The following PRKAR2A variants were observed in gnomAD, a reference collection of about 807,000 sequenced individuals.
The protein encoded by PRKAR2A is cAMP-dependent protein kinase type II-alpha regulatory subunit.
In PRKAR2A, 29 loss-of-function variants were observed where a neutral mutation model predicts 51.9. The observed-to-expected ratio is 0.56, with a 90% confidence interval of 0.42 to 0.76. PRKAR2A has a LOEUF of 0.76. Among genes scored for constraint, PRKAR2A ranks in the 30% least tolerant of loss-of-function variants. The pLI is 0.00. For missense variants in PRKAR2A, 445 were observed against 512.1 expected, an observed-to-expected ratio of 0.87 and a Z score of 1.26; for synonymous variants, 178 against 186.2, an observed-to-expected ratio of 0.96 and a Z score of 0.36.
At chr3:48,774,643 A>G (rs927554313) in intron 5 of PRKAR2A, among the ~76,000 whole-genome samples, 1 of 152,274 alleles carries the variant, frequency 6.6e-6, no homozygotes. Context: ...TACGATATCA[A>G]TGTTCTTTAG....
intron 5 of PRKAR2A, among the ~76,000 whole-genome samples, chr3:48,775,330 C>T (rs1001604963): frequency 2.3e-4 from 35 of 151,228 alleles, no homozygotes; most frequent in African/African-American, 7.5e-4. Flanking sequence ...TCCAGCTACT[C>T]GGGAGGCTGA....
At chr3:48,794,428 T>C (rs564937507) in intron 2 of PRKAR2A, among the ~76,000 whole-genome samples, 5 of 151,756 alleles carry the variant, frequency 3.3e-5, no homozygotes, top group African/African-American at 1.2e-4. Flanking sequence ...ATAATATAAA[T>C]GCTCATGCCT....
At chr3:48,775,248 G>A (rs894159511) in intron 5 of PRKAR2A, among the ~76,000 whole-genome samples, 1 of 151,846 alleles carries the variant, frequency 6.6e-6, no homozygotes, top group Admixed American at 6.6e-5. Flanking sequence ...AGACTAGCCT[G>A]GCCAATCTGG....
chr3:48,754,601 T>TTA (rs1441069043), intron 9 of PRKAR2A, among the ~76,000 whole-genome samples: 1 of 151,874 alleles, frequency 6.6e-6, no homozygotes, highest in African/African-American at 2.4e-5. Flanking sequence ...GGGGAAACCC[T>TTA]GTCCCTACTA....
At chr3:48,782,140 A>T (rs965760690) in intron 5 of PRKAR2A, among the ~76,000 whole-genome samples, 1 of 152,128 alleles carries the variant, frequency 6.6e-6, no homozygotes, top group East Asian at 1.9e-4. Context: ...GACTAAGGAG[A>T]TCAGAAGGAC....
At chr3:48,834,211 T>A (rs2083242929) in intron 1 of PRKAR2A, among the ~76,000 whole-genome samples, 1 of 151,592 alleles carries the variant, frequency 6.6e-6, no homozygotes, top group South Asian at 2.1e-4. Flanking sequence ...TAAGTGGAGG[T>A]CAGGGTCCAT....
At chr3:48,801,543 C>T (rs1437094736) in intron 2 of PRKAR2A, among the ~76,000 whole-genome samples, 1 of 152,150 alleles carries the variant, frequency 6.6e-6, no homozygotes, top group Non-Finnish European at 1.5e-5. Flanking sequence ...CCCATCTCAG[C>T]CTCCCAAAGT....
downstream of PRKAR2A, among the ~76,000 whole-genome samples, chr3:48,745,498 A>G (rs1454226115): frequency 7.6e-6 from 1 of 132,234 alleles, no homozygotes; most frequent in Non-Finnish European, 1.6e-5. Flanking sequence ...ATTATTCCAG[A>G]TGTTTCTGTG....
At chr3:48,801,507 T>G (rs2082590074) in intron 2 of PRKAR2A, among the ~76,000 whole-genome samples, 1 of 152,160 alleles carries the variant, frequency 6.6e-6, no homozygotes, top group Non-Finnish European at 1.5e-5. Context: ...CAGGCTGATC[T>G]CGAACTCCTG....
chr3:48,763,152 T>C lies in PRKAR2A; in HGVS notation c.873+1852A>G, dbSNP rs146138946. Among the ~76,000 whole-genome samples, 830 of 152,232 alleles carry C rather than the reference T, an allele frequency of 5.5e-3. 4 individuals are homozygous for C. Among genetic ancestry groups the C allele is most frequent in the Middle Eastern group, 0.024 (7 of 294 alleles). ...TCAAAACAAATGAAACAACATAAAATGTAGTTTCTGATTCAGCAGGTCTGG... is the reference window on the plus strand; with the variant it reads ...TCAAAACAAATGAAACAACATAAAACGTAGTTTCTGATTCAGCAGGTCTGG... On this transcript the variant is annotated intron_variant, in intron 8 of 10. Coordinates refer to ENST00000265563, the MANE Select transcript of PRKAR2A (RefSeq NM_004157.4).
At chr3:48,809,611 A>C (rs1044762078) in intron 1 of PRKAR2A, among the ~76,000 whole-genome samples, 2 of 150,916 alleles carry the variant, frequency 1.3e-5, no homozygotes, top group African/African-American at 2.4e-5. Context: ...AAAAAAAAAA[A>C]AAAAAAAAAA....
At position 48,752,283 on chromosome 3, in the gene PRKAR2A, A is replaced by G. The variant is rs2081661982; in HGVS notation, c.974T>C (p.Val325Ala). The change falls in exon 10 of 11, where the codon GTC (valine) becomes GCC (alanine). Residue 325 changes from valine (V) to alanine (A), a missense_variant. Val to Ala is a moderately conservative substitution (Grantham distance 64, BLOSUM62 0). Coordinates refer to ENST00000265563, the MANE Select transcript of PRKAR2A (RefSeq NM_004157.4). ...CCCCTTATGGCAGCGGGCAATCTCG[A>G]CCTCCTGGTTCCCACCATCCTTGTT... Reference protein sequence around the residue: ...KSNKDGGNQEVEIARCHKGQY... With the variant: ...KSNKDGGNQEAEIARCHKGQY... 6.2e-7 allele frequency: 1 copy of G among 1,614,034 alleles called. No homozygotes were observed. The highest frequency in any genetic ancestry group is 1.3e-5 in the African/African-American group (1 of 75,004).
intron 9 of PRKAR2A, among the ~76,000 whole-genome samples, chr3:48,755,576 T>C (rs969935227): frequency 1.3e-5 from 2 of 151,364 alleles, no homozygotes; most frequent in African/African-American, 4.9e-5. Context: ...CCTTCCAATC[T>C]CTTTTTATTA....
chr3:48,800,493 C>T (rs1359888604), intron 2 of PRKAR2A, among the ~76,000 whole-genome samples: 3 of 148,460 alleles, frequency 2.0e-5, no homozygotes, highest in Non-Finnish European at 4.5e-5. Flanking sequence ...GCCTGAGTAA[C>T]AGAGCGAGAC....
chr3:48,838,768 G>A (rs531873574), intron 1 of PRKAR2A, among the ~76,000 whole-genome samples: 44 of 151,554 alleles, frequency 2.9e-4, no homozygotes, highest in Non-Finnish European at 3.4e-4. Context: ...CACGAGGTCA[G>A]GAGATCGAGA....
rs1334788579 is a variant in PRKAR2A, at chr3:48,847,838, A to AGGCGAGCTGGACGGGCG, written c.-259_-243dup. 8.1e-6 allele frequency: 3 copies of AGGCGAGCTGGACGGGCG among 368,906 alleles called. No homozygotes were observed. The highest frequency in any genetic ancestry group is 1.4e-5 in the Non-Finnish European group (3 of 211,126). 22.9% of individuals were successfully genotyped at this position (368,906 alleles called of 1,614,324 possible). A position where few individuals can be genotyped will look rare whatever the true frequency, so the allele number is the denominator to read the frequency against. On this transcript the variant is annotated 5_prime_UTR_variant, in exon 1 of 11. Coordinates refer to ENST00000265563, the MANE Select transcript of PRKAR2A (RefSeq NM_004157.4). The surrounding 1 kb of genome is among the most constrained non-coding windows in gnomAD (Gnocchi z 4.4). ...GCCGCCGCCGCGGGGACCGACGGGC[A>AGGCGAGCTGGACGGGCG]GGCGAGCTGGACGGGCGGGGCAGGC...
intron 1 of PRKAR2A, among the ~76,000 whole-genome samples, chr3:48,815,479 G>A (rs986358370): frequency 2.9e-4 from 43 of 147,122 alleles, no homozygotes; most frequent in Non-Finnish European, 5.6e-4. Flanking sequence ...GGCGGATCAC[G>A]GGGTCAGGAG....
intron 2 of PRKAR2A, among the ~76,000 whole-genome samples, chr3:48,798,255 C>T (rs1391432527): frequency 2.0e-5 from 3 of 152,110 alleles, no homozygotes; most frequent in Non-Finnish European, 4.4e-5. Context: ...GCCCAGCCTC[C>T]TAGACATTTC....
chr3:48,803,706 G>A (rs931460291), intron 2 of PRKAR2A, among the ~76,000 whole-genome samples: 6 of 152,172 alleles, frequency 3.9e-5, no homozygotes, highest in African/African-American at 1.4e-4. Context: ...GATTACAGGC[G>A]TGAGCCACCA....
Sources: gnomAD v4.1 joint callset for allele counts (sites outside exome capture counted in the v4.1 genomes callset) on GRCh38, gnomAD v4.1.1 for gene constraint, Gnocchi (gnomAD v3.1) non-coding constraint, MANE v1.5 for transcripts, NCBI Gene and HGNC (gene_info 2026-07-23, HGNC 2026-07-21) for gene names.